The following DNAH3 variants were observed in gnomAD, a reference collection of about 807,000 sequenced individuals.
DNAH3 encodes axonemal beta dynein heavy chain 3.
Under a neutral mutation model 432.5 loss-of-function variants are expected in DNAH3, and 332 were observed. The ratio of observed to expected loss-of-function variants is 0.77; its 90% CI spans 0.70 to 0.84. DNAH3 has a LOEUF of 0.84. Among genes scored for constraint, DNAH3 ranks in the 40% least tolerant of loss-of-function variants. The pLI is 0.00. For missense variants in DNAH3, 4,861 were observed against 5,114.0 expected, an observed-to-expected ratio of 0.95 and a Z score of 1.51; for synonymous variants, 1,956 against 1,900.2, an observed-to-expected ratio of 1.03 and a Z score of -0.76.
At chr16:21,084,817 G>A (rs926382365) in intron 19 of DNAH3, among the ~76,000 whole-genome samples, 2 of 152,096 alleles carry the variant, frequency 1.3e-5, no homozygotes, top group East Asian at 3.9e-4. Flanking sequence ...TAGCATCATA[G>A]AGGAAGCACC....
At chr16:21,134,507 T>C in intron 6 of DNAH3, 53 bp from the exon 8 acceptor site, 2 of 1,524,362 alleles carry the variant, frequency 1.3e-6, no homozygotes, top group Non-Finnish European at 1.8e-6. Context: ...GGTTGTGCTC[T>C]TAGCTTCAAC....
intron 18 of DNAH3, among the ~76,000 whole-genome samples, chr16:21,093,897 TA>T (rs1040925307): frequency 6.6e-6 from 1 of 152,228 alleles, no homozygotes; most frequent in Middle Eastern, 3.4e-3. Context: ...CCTCGTATTT[TA>T]AAAAAATTAA....
At chr16:21,159,449 C>A (rs1252216673), upstream of DNAH3, 5 of 1,611,672 alleles carry the variant, frequency 3.1e-6, no homozygotes, top group Non-Finnish European at 4.2e-6. Flanking sequence ...CATCCCCCAA[C>A]CAGAGATGTG....
intron 3 of DNAH3, 44 bp from the exon 5 acceptor site, chr16:21,141,416 T>C: frequency 5.6e-6 from 8 of 1,424,194 alleles, no homozygotes; most frequent in Non-Finnish European, 7.8e-6. Flanking sequence ...GGCAATGGCC[T>C]TGGGCCATTC....
At chr16:21,028,293 C>G (rs979577087) in intron 37 of DNAH3, among the ~76,000 whole-genome samples, 5 of 152,148 alleles carry the variant, frequency 3.3e-5, no homozygotes, top group African/African-American at 1.2e-4. Context: ...ATCCTCCTGT[C>G]TCTGCCTCCC....
chr16:21,053,885 G>A (rs1286105068), intron 28 of DNAH3, among the ~76,000 whole-genome samples: 1 of 151,880 alleles, frequency 6.6e-6, no homozygotes, highest in African/African-American at 2.4e-5. Context: ...GGAGCTGGAA[G>A]GCATCCTCTC....
At chr16:21,052,444 T>C (rs1224579069) in intron 28 of DNAH3, among the ~76,000 whole-genome samples, 1 of 152,220 alleles carries the variant, frequency 6.6e-6, no homozygotes, top group Non-Finnish European at 1.5e-5. Context: ...TATTAAAAGG[T>C]GCGTGCTCTG....
intron 26 of DNAH3, 126 bp from the exon 27 acceptor site, chr16:21,058,322 T>C: frequency 1.8e-6 from 1 of 554,816 alleles, no homozygotes; most frequent in South Asian, 2.7e-5. Context: ...CCTCAGACGC[T>C]ACAAGGCTTG....
At chr16:21,134,302 CCGTGTGCAG>C (rs748158248) in exon 7 of DNAH3, 1 of 1,614,114 alleles carries the variant, frequency 6.2e-7, no homozygotes, top group South Asian at 1.1e-5. Flanking sequence ...ATGGGGTTCA[CCGTGTGCAG>C]ATGCTCCTCG....
intron 21 of DNAH3, among the ~76,000 whole-genome samples, chr16:21,072,217 TTTAATTAA>T (rs199648098): frequency 2.1e-5 from 3 of 141,474 alleles, no homozygotes; most frequent in Admixed American, 7.1e-5. Flanking sequence ...GGGACCTTTG[TTTAATTAA>T]TTAATTAATT....
chr16:21,145,226 T>C (rs2092768066), exon 3 of DNAH3: 4 of 1,613,170 alleles, frequency 2.5e-6, no homozygotes, highest in Non-Finnish European at 3.4e-6. Flanking sequence ...GGGACACTGA[T>C]GGTGGCCGGT....
At chr16:21,049,887 G>A in intron 30 of DNAH3, 23 bp downstream of exon 30, 1 of 1,580,024 alleles carries the variant, frequency 6.3e-7, no homozygotes, top group Non-Finnish European at 8.7e-7. Flanking sequence ...AAGAGAGGGA[G>A]GGGATAGATG....
At chr16:20,997,964 G>T (rs2086837610) in intron 43 of DNAH3, among the ~76,000 whole-genome samples, 1 of 152,056 alleles carries the variant, frequency 6.6e-6, no homozygotes, top group Non-Finnish European at 1.5e-5. Flanking sequence ...CCAAGATTGT[G>T]CCACTGCACT....
At chr16:21,062,221 C>G (rs1353158843) in intron 25 of DNAH3, among the ~76,000 whole-genome samples, 1 of 152,146 alleles carries the variant, frequency 6.6e-6, no homozygotes, top group African/African-American at 2.4e-5. Flanking sequence ...CTGATTCCTG[C>G]AATTGACTCC....
At chr16:20,948,739 T>G in intron 56 of DNAH3, 102 bp from the exon 57 acceptor site, 13 of 1,298,684 alleles carry the variant, frequency 1.0e-5, no homozygotes, top group Non-Finnish European at 1.3e-5. Flanking sequence ...AGATCTCTGC[T>G]GGGACATAGT....
chr16:21,072,515 T>A lies in DNAH3; in HGVS notation c.3085-1689A>T, dbSNP rs181005513. ...CTAATTTTTGTACTTTTAGCAGAGA[T>A]GGGGTTTCACCATGTTGGCAAGGTT... On this transcript the variant is annotated intron_variant, in intron 21 of 61. Coordinates refer to ENST00000261383, the Ensembl canonical transcript of DNAH3. Among the ~76,000 whole-genome samples the A allele has an allele frequency of 9.7e-3, 1,483 of 152,114 alleles. 13 individuals carry two copies. The highest frequency in any genetic ancestry group is 0.011 in the Non-Finnish European group (777 of 68,000).
At chr16:21,094,507 C>A (rs563156097) in intron 18 of DNAH3, among the ~76,000 whole-genome samples, 6 of 151,864 alleles carry the variant, frequency 4.0e-5, no homozygotes, top group African/African-American at 1.5e-4. Flanking sequence ...CCCGGCTCTA[C>A]GAAAAATGCA....
chr16:20,973,016 A>G (rs1349918958), intron 51 of DNAH3, among the ~76,000 whole-genome samples: 1 of 152,110 alleles, frequency 6.6e-6, no homozygotes, highest in Non-Finnish European at 1.5e-5. Context: ...GGCGTGAGCC[A>G]CCTCGCCCAG....
At chr16:21,026,831 G>A in intron 38 of DNAH3, among the ~76,000 whole-genome samples, 196 bp downstream of exon 38, 1 of 151,788 alleles carries the variant, frequency 6.6e-6, no homozygotes, top group Non-Finnish European at 1.5e-5. Context: ...AAACCCCCAT[G>A]CCATGCAATT....
Sources: gnomAD v4.1 joint callset for allele counts (sites outside exome capture counted in the v4.1 genomes callset) on GRCh38, gnomAD v4.1.1 for gene constraint, MANE v1.5 for transcripts, NCBI Gene and HGNC (gene_info 2026-07-23, HGNC 2026-07-21) for gene names.